The following MECOM variants were observed in gnomAD, a reference collection of about 807,000 sequenced individuals.
MECOM encodes MDS1 and EVI1 complex locus.
Under a neutral mutation model 116.3 loss-of-function variants are expected in MECOM, and 13 were observed. The ratio of observed to expected loss-of-function variants is 0.11; its 90% CI spans 0.07 to 0.18. MECOM has a LOEUF of 0.18. MECOM is among the 10% of genes least tolerant of loss of function. The probability of loss-of-function intolerance (pLI) is 1.00; values close to 1 mark genes in which losing one functional copy is unlikely to be tolerated. For missense variants in MECOM, 1,299 were observed against 1,509.0 expected (o/e 0.86, Z 2.31); for synonymous variants, 528 against 535.2 (o/e 0.99, Z 0.19).
intron 1 of MECOM, among the ~76,000 whole-genome samples, chr3:169,485,891 ATAGTATATATAG>A (rs1752110531): frequency 9.5e-6 from 1 of 105,182 alleles, no homozygotes; most frequent in Non-Finnish European, 2.0e-5. Context: ...ATATGTATAT[ATAGTATATATAG>A]TATATATGTA....
At chr3:169,402,655 C>CA (rs907004422) in intron 1 of MECOM, among the ~76,000 whole-genome samples, 55 of 145,594 alleles carry the variant, frequency 3.8e-4, no homozygotes, top group Admixed American at 1.3e-3. Context: ...GACTCTGTCT[C>CA]AAAAAAAAAA....
intron 2 of MECOM, among the ~76,000 whole-genome samples, chr3:169,379,486 T>A (rs1732050063): frequency 6.6e-6 from 1 of 151,632 alleles, no homozygotes; most frequent in Non-Finnish European, 1.5e-5. Context: ...CATTTTACAT[T>A]TCTCAAGGTA....
At chr3:169,531,618 C>T (rs970690725) in intron 1 of MECOM, among the ~76,000 whole-genome samples, 3 of 152,136 alleles carry the variant, frequency 2.0e-5, no homozygotes, top group African/African-American at 4.8e-5. Flanking sequence ...GGTACAAGTG[C>T]GCTCCAATAT....
intron 1 of MECOM, among the ~76,000 whole-genome samples, chr3:169,468,694 T>C (rs1427086716): frequency 6.6e-6 from 1 of 152,236 alleles, no homozygotes; most frequent in East Asian, 1.9e-4. Flanking sequence ...CTATAAGCAT[T>C]ATTGTTAATG....
intron 1 of MECOM, among the ~76,000 whole-genome samples, chr3:169,567,561 C>A (rs1300454501): frequency 6.6e-6 from 1 of 152,114 alleles, no homozygotes; most frequent in Non-Finnish European, 1.5e-5. Flanking sequence ...TACAGTAAGG[C>A]TCCTGAAAGT....
At chr3:169,191,033 C>T (rs1469825739) in intron 2 of MECOM, among the ~76,000 whole-genome samples, 2 of 151,976 alleles carry the variant, frequency 1.3e-5, no homozygotes, top group Non-Finnish European at 2.9e-5. Flanking sequence ...GGAGCAGGAC[C>T]AATTCCCATC....
intron 1 of MECOM, among the ~76,000 whole-genome samples, chr3:169,549,164 G>T (rs1028631523): frequency 3.3e-5 from 5 of 152,004 alleles, no homozygotes; most frequent in Admixed American, 2.6e-4. Context: ...AGTAGACAGG[G>T]TTACACCATG....
At position 169,362,467 on chromosome 3, in the gene MECOM, C is replaced by T. The variant is rs557621494; in HGVS notation, c.375+18720G>A. On this transcript the variant is annotated intron_variant, in intron 2 of 16. Transcript: ENST00000651503. The stretch of plus-strand genomic sequence containing the variant: ...GCCCAGTTTTCATTCCAGTGTATCA[C>T]ACAGCCTCCCTGAAACACAAACCAC... Among the ~76,000 whole-genome samples the T allele has an allele frequency of 5.3e-5, 8 of 151,934 alleles. No individual in the cohort carries two copies. The South Asian group carries it at 1.7e-3, about 32-fold the overall frequency.
intron 2 of MECOM, among the ~76,000 whole-genome samples, chr3:169,243,600 A>T (rs1375081489): frequency 1.3e-5 from 2 of 152,330 alleles, no homozygotes; most frequent in Admixed American, 1.3e-4. Context: ...CTGATTGAAT[A>T]AACTATTTAA....
At chr3:169,413,206 G>A (rs898998208) in intron 1 of MECOM, among the ~76,000 whole-genome samples, 3 of 152,170 alleles carry the variant, frequency 2.0e-5, no homozygotes, top group African/African-American at 7.2e-5. Context: ...CACAGAGGGC[G>A]AGCCGAAGCA....
intron 12 of MECOM, among the ~76,000 whole-genome samples, chr3:169,098,261 T>C (rs6763075): frequency 0.96 from 145,718 of 152,284 alleles, 69,759 homozygotes; most frequent in East Asian, 0.99. Flanking sequence ...ATCTGATCTA[T>C]GATCCCACAT....
rs910116220 is a variant in MECOM at position 169,652,600 on chromosome 3, G to A, written c.37+10736C>T. Among the ~76,000 whole-genome samples, 17 of 152,104 alleles carry A rather than the reference G, an allele frequency of 1.1e-4. 1 individual carries two copies. The highest frequency in any genetic ancestry group is 1.0e-3 in the Admixed American group (16 of 15,270). On this transcript the variant is annotated intron_variant, in intron 1 of 16. Coordinates refer to ENST00000651503, the MANE Select transcript of MECOM (RefSeq NM_004991.4). ...GGTTGATTTGTGAAATGACAGATGG[G>A]GGTTAGAGGAGTGGGGAGGGGCAGA...
intron 1 of MECOM, chr3:169,467,145 T>C (rs1200668726): frequency 6.6e-6 from 1 of 152,230 alleles, no homozygotes; most frequent in East Asian, 1.9e-4. Context: ...TTGTTTGTTT[T>C]TTAACAGGGT....
intron 1 of MECOM, among the ~76,000 whole-genome samples, chr3:169,387,042 T>A (rs912366564): frequency 4.6e-5 from 7 of 152,222 alleles, no homozygotes; most frequent in Admixed American, 1.3e-4. Flanking sequence ...TATTGTATTT[T>A]AAAATTTCCT....
At chr3:169,647,332 C>T (rs1205447964) in intron 1 of MECOM, among the ~76,000 whole-genome samples, 2 of 152,158 alleles carry the variant, frequency 1.3e-5, no homozygotes, top group Admixed American at 1.3e-4. Flanking sequence ...ACTGCAGTGA[C>T]GCATGAACAC....
intron 1 of MECOM, among the ~76,000 whole-genome samples, chr3:169,583,600 G>C (rs924605953): frequency 4.6e-5 from 7 of 151,962 alleles, no homozygotes; most frequent in Admixed American, 4.6e-4. Flanking sequence ...CACAAACTAA[G>C]GATTAATGTT....
chr3:169,301,993 T>C (rs1716799727), intron 2 of MECOM, among the ~76,000 whole-genome samples: 1 of 152,212 alleles, frequency 6.6e-6, no homozygotes, highest in African/African-American at 2.4e-5. Flanking sequence ...CTAGGAGATG[T>C]CAAAGAGGGG....
At chr3:169,467,887 T>C (rs1178583424) in intron 1 of MECOM, among the ~76,000 whole-genome samples, 14 of 152,156 alleles carry the variant, frequency 9.2e-5, no homozygotes, top group Admixed American at 9.2e-4. Flanking sequence ...TCAGCTTTCA[T>C]CACCATGGAA....
intron 1 of MECOM, among the ~76,000 whole-genome samples, chr3:169,502,665 C>A (rs1754675363): frequency 6.6e-6 from 1 of 152,070 alleles, no homozygotes; most frequent in Non-Finnish European, 1.5e-5. Flanking sequence ...TCATACAACA[C>A]TTTTTAAATA....
Sources: allele counts gnomAD v4.1 joint callset (sites outside exome capture counted in the v4.1 genomes callset), GRCh38; gene constraint gnomAD v4.1.1; transcripts MANE v1.5; gene names NCBI Gene and HGNC (gene_info 2026-07-23, HGNC 2026-07-21).